The following ABCG8 variants were observed in gnomAD, a reference collection of about 807,000 sequenced individuals.
ABCG8 encodes ATP-binding cassette sub-family G member 8.
In ABCG8, 81 loss-of-function variants were observed where a neutral mutation model predicts 71.3. The ratio of observed to expected loss-of-function variants is 1.14; its 90% CI spans 0.95 to 1.37. The LOEUF (loss-of-function observed/expected upper bound fraction) is 1.37, where lower values mean the gene tolerates loss of function less well. ABCG8 is among the 40% of genes most tolerant of loss of function. The pLI, the probability that ABCG8 is intolerant of heterozygous loss-of-function variation, is 0.00. For missense variants in ABCG8, 1,119 were observed against 866.2 expected, an observed-to-expected ratio of 1.29 and a Z score of -3.66; for synonymous variants, 451 against 354.7, an observed-to-expected ratio of 1.27 and a Z score of -3.05.
chr2:43,851,670 C>T lies in ABCG8; in HGVS notation c.409C>T (p.Gln137Ter). The part of the protein sequence containing the change: ...IKSGQIWING[Q>*]PSSPQLVRKC... ...GTCAGGCCAGATCTGGATCAATGGG[C>T]AGCCCAGCTCGCCTCAGCTGGTGAG... Residue 137 changes from glutamine (Q) to a stop codon, truncating the protein, a stop_gained, in exon 4 of 13, where the codon CAG (glutamine) becomes TAG (stop). Coordinates refer to ENST00000272286, the MANE Select transcript of ABCG8 (RefSeq NM_022437.3). LOFTEE classifies it high-confidence loss of function. 1 of 1,614,254 alleles carries T rather than the reference C, an allele frequency of 6.2e-7. No individual in the cohort carries two copies. Among genetic ancestry groups the T allele is most frequent in the Non-Finnish European group, 8.5e-7 (1 of 1,180,048 alleles).
intron 1 of ABCG8, among the ~76,000 whole-genome samples, chr2:43,839,562 G>A (rs59395696): frequency 6.6e-6 from 1 of 151,560 alleles, no homozygotes; most frequent in Non-Finnish European, 1.5e-5. Context: ...AAGTAGCTGA[G>A]ATTACAGGCA....
chr2:43,876,453 T>A (rs1468428813), intron 11 of ABCG8, among the ~76,000 whole-genome samples: 1 of 150,464 alleles, frequency 6.6e-6, no homozygotes, highest in Non-Finnish European at 1.5e-5. Flanking sequence ...ACTGTGTCGA[T>A]ATAAAGGAGA....
intron 6 of ABCG8, among the ~76,000 whole-genome samples, chr2:43,854,959 C>T (rs1669050952): frequency 1.3e-5 from 2 of 152,164 alleles, no homozygotes; most frequent in African/African-American, 4.8e-5. Context: ...TGTGCTGTCT[C>T]CCTCCTGGGG....
intron 6 of ABCG8, among the ~76,000 whole-genome samples, chr2:43,863,798 G>C (rs72796796): frequency 7.0e-6 from 1 of 142,526 alleles, no homozygotes; most frequent in Non-Finnish European, 1.6e-5. Context: ...CTGTGGATAG[G>C]ACTCTCACTA....
In ABCG8 at chr2:43,871,979, A is replaced by C. The variant is rs568259494; in HGVS notation, c.968A>C (p.Asp323Ala). The C allele has an allele frequency of 6.2e-7, 1 of 1,614,000 alleles. No individual in the cohort carries two copies. Among genetic ancestry groups the C allele is most frequent in the Admixed American group, 1.7e-5 (1 of 60,016 alleles). The change falls in exon 7 of 13, where the codon GAC (aspartate) becomes GCC (alanine). Residue 323 changes from aspartate to alanine, a missense_variant. Coordinates refer to ENST00000272286, the MANE Select transcript of ABCG8 (RefSeq NM_022437.3). ...ACTCCACATCCCCTGCTTGCAGTGG[A>C]CCTGACCAGCATTGACAGGCGCAGC... ...RYSNPADFYVDLTSIDRRSRE... is the reference protein window; with the variant it reads ...RYSNPADFYVALTSIDRRSRE...
Position 43,856,137 on chromosome 2 carries a change from T to C in ABCG8, c.964+3269T>C, listed in dbSNP as rs145964997. Among the ~76,000 whole-genome samples, 145 of 152,130 alleles carry C rather than the reference T, an allele frequency of 9.5e-4. 2 individuals carry two copies. In the East Asian group the frequency reaches 0.026, roughly 27 times the overall value. ...CACACTCTGGGTAGAACTCCCACTA[T>C]GTATCTGGATAGAGTTCTCACTTTC... is the stretch of plus-strand genomic sequence containing the variant. On this transcript the variant is annotated intron_variant, in intron 6 of 12. Coordinates refer to ENST00000272286, the MANE Select transcript of ABCG8 (RefSeq NM_022437.3).
intron 6 of ABCG8, among the ~76,000 whole-genome samples, chr2:43,864,522 A>C (rs1572852213): frequency 6.6e-6 from 1 of 151,240 alleles, no homozygotes; most frequent in African/African-American, 2.4e-5. Flanking sequence ...ATCTCTCACC[A>C]TCTGTCTGGG....
rs538837604 is a variant in ABCG8 at position 43,879,076 on chromosome 2, T to A, written c.*1163T>A. ...CCTCTTTTCTTTATAAATTACCCAG[T>A]CTTGGGTATTTCTTCATAGCAGTGT... On this transcript the variant is annotated 3_prime_UTR_variant, in exon 13 of 13. Coordinates refer to ENST00000272286, the MANE Select transcript of ABCG8 (RefSeq NM_022437.3). 13 of 152,222 alleles carry A rather than the reference T, an allele frequency of 8.5e-5. No individual in the cohort carries two copies. In the East Asian group the frequency reaches 2.5e-3, roughly 29 times the overall value. The allele number at this position is 152,222 out of a possible 1,614,324, so 9.4% of individuals were successfully genotyped here.
At chr2:43,873,163 G>A (rs905511848) in intron 8 of ABCG8, among the ~76,000 whole-genome samples, 1 of 151,544 alleles carries the variant, frequency 6.6e-6, no homozygotes, top group Non-Finnish European at 1.5e-5. Flanking sequence ...TACAAGCAAT[G>A]AGGCAGCAGA....
chr2:43,876,195 T>A (rs1669953830), intron 11 of ABCG8, among the ~76,000 whole-genome samples: 1 of 152,186 alleles, frequency 6.6e-6, no homozygotes, highest in Admixed American at 6.5e-5. Context: ...CGAGAATTGC[T>A]ATGGATCAAA....
At chr2:43,856,944 T>A (rs957634327) in intron 6 of ABCG8, among the ~76,000 whole-genome samples, 10 of 151,808 alleles carry the variant, frequency 6.6e-5, no homozygotes, top group African/African-American at 2.4e-4. Flanking sequence ...TCTTACTTTC[T>A]GGATAGAACT....
At chr2:43,874,782 C>T (rs538801388) in intron 10 of ABCG8, among the ~76,000 whole-genome samples, 5 of 152,296 alleles carry the variant, frequency 3.3e-5, no homozygotes, top group African/African-American at 7.2e-5. Context: ...TGTGGCCCCC[C>T]AGCAGGCCAG....
chr2:43,854,276 A>G lies in ABCG8; in HGVS notation c.964+1408A>G, dbSNP rs187440440. Among the ~76,000 whole-genome samples, 406 of 152,322 alleles carry G rather than the reference A, an allele frequency of 2.7e-3. 8 individuals carry two copies. Among genetic ancestry groups the G allele is most frequent in the Non-Finnish European group, 8.5e-4 (58 of 68,024 alleles). The stretch of plus-strand genomic sequence containing the variant: ...CTACAGTGCTGCACACTAGGGGGCC[A>G]CATCATGGTTTATAAGACCCCACCT... On this transcript the variant is annotated intron_variant, in intron 6 of 12. Coordinates refer to ENST00000272286, the MANE Select transcript of ABCG8 (RefSeq NM_022437.3).
chr2:43,877,853 C>T lies in ABCG8; in HGVS notation c.1962C>T (p.Phe654=). The change falls in exon 13 of 13, where the codon TTC becomes TTT. Residue 654 remains phenylalanine (F), a synonymous_variant. Transcript: ENST00000272286. ...YLIVIGLSGG[F]MVLYYVSLRF... ...TCGTCATTGGCCTCAGCGGTGGCTTCATGGTCCTGTACTACGTGTCCTTAA... is the reference window on the plus strand; with the variant it reads ...TCGTCATTGGCCTCAGCGGTGGCTTTATGGTCCTGTACTACGTGTCCTTAA... 6.2e-7 allele frequency: 1 copy of T among 1,614,164 alleles called. No homozygotes were observed. Among genetic ancestry groups the T allele is most frequent in the African/African-American group, 1.3e-5 (1 of 75,036 alleles).
rs377433853 is a variant in ABCG8, at chr2:43,877,567, C to A, written c.1763C>A (p.Ala588Glu). The A allele has an allele frequency of 6.4e-5, 104 of 1,613,944 alleles. 1 individual carries two copies. The East Asian group carries it at 1.0e-3, about 16-fold the overall frequency. ...CGCGGCTGTCTGTCTCCAGTGCCCG[C>A]GTGGATTTCCAAAGTGTCCTTCCTG... ...INLSSLWTVPAWISKVSFLRW... is the reference protein window; with the variant it reads ...INLSSLWTVPEWISKVSFLRW... Residue 588 changes from alanine (A) to glutamate (E), a missense_variant, in exon 12 of 13, where the codon GCG becomes GAG. By Grantham distance (107) the Ala-to-Glu change is moderately radical. Transcript: ENST00000272286.
At chr2:43,868,560 C>G (rs994688143) in intron 6 of ABCG8, among the ~76,000 whole-genome samples, 1 of 152,072 alleles carries the variant, frequency 6.6e-6, no homozygotes, top group African/African-American at 2.4e-5. Flanking sequence ...AGAATTCTGA[C>G]CAGCTGGAGA....
At chr2:43,840,278 C>T (rs1239892484) in intron 1 of ABCG8, among the ~76,000 whole-genome samples, 2 of 152,242 alleles carry the variant, frequency 1.3e-5, no homozygotes, top group African/African-American at 4.8e-5. Flanking sequence ...GCAACCACCA[C>T]ATCTGACCAG....
intron 6 of ABCG8, among the ~76,000 whole-genome samples, chr2:43,854,483 C>A (rs553248649): frequency 6.6e-6 from 1 of 152,128 alleles, no homozygotes; most frequent in East Asian, 1.9e-4. Context: ...TATGAATTAG[C>A]TGGGTGCGTG....
In ABCG8 at chr2:43,838,990, G is replaced by C; in HGVS notation, c.-64G>C. 1 of 1,498,064 alleles carries C rather than the reference G, an allele frequency of 6.7e-7. No individual in the cohort carries two copies. The highest frequency in any genetic ancestry group is 9.1e-7 in the Non-Finnish European group (1 of 1,100,518). 92.8% of individuals were successfully genotyped at this position (1,498,064 alleles called of 1,614,324 possible). On this transcript the variant is annotated 5_prime_UTR_variant, in exon 1 of 13. Coordinates refer to ENST00000272286, the MANE Select transcript of ABCG8 (RefSeq NM_022437.3). This position sits in a 1 kb window ranked among gnomAD's most constrained non-coding sequence, Gnocchi z 4.2. The stretch of plus-strand genomic sequence containing the variant: ...TCCAGGAAACAGAGTGAAGACACTG[G>C]CCCTGGCAGGCAGCAGCTGGGTCTA...
Sources: gnomAD v4.1 joint callset for allele counts (sites outside exome capture counted in the v4.1 genomes callset) on GRCh38, gnomAD v4.1.1 for gene constraint, Gnocchi (gnomAD v3.1) non-coding constraint, MANE v1.5 for transcripts, NCBI Gene and HGNC (gene_info 2026-07-23, HGNC 2026-07-21) for gene names.